Variants in PRDX4 observed in about 807,000 individuals in gnomAD.
PRDX4 encodes peroxiredoxin-4.
In PRDX4, 12 loss-of-function variants were observed where a neutral mutation model predicts 20.5. That is an observed-to-expected ratio of 0.58 (90% CI 0.37 to 0.95). The LOEUF (loss-of-function observed/expected upper bound fraction) is 0.95. Ranked by LOEUF, PRDX4 falls within the 40% of genes least tolerant of loss-of-function variation. PRDX4 has a pLI of 0.01. For missense variants in PRDX4, 180 were observed against 207.3 expected (o/e 0.87, Z 0.81); for synonymous variants, 99 against 87.5 (o/e 1.13, Z -0.73).
At chrX:23,679,133 G>A in intron 3 of PRDX4, 32 bp from the exon 4 acceptor site, 1 of 1,198,704 alleles carries the variant, frequency 8.3e-7, no homozygotes, top group Non-Finnish European at 1.1e-6. Flanking sequence ...CGTTTACTTA[G>A]CTCTGAGAGG....
chrX:23,682,853 AATAT>A (rs1173209030), intron 5 of PRDX4, among the ~76,000 whole-genome samples: 213 of 14,861 alleles, frequency 0.014, 3 homozygotes, highest in Non-Finnish European at 0.017. Flanking sequence ...AAAAAAAAAA[AATAT>A]ATATATATAT....
Position 23,682,522 on chromosome X carries a change from A to G in PRDX4, c.726A>G (p.Gly242=), listed in dbSNP as rs1164019927. 1 of 1,157,941 alleles carries G rather than the reference A, an allele frequency of 8.6e-7. No individual in the cohort carries two copies. The highest frequency in any genetic ancestry group is 2.4e-5 in the Admixed American group (1 of 41,660). The change falls in exon 5 of 7, where the codon GGA becomes GGG. Residue 242 remains glycine (G), a synonymous_variant. Coordinates refer to ENST00000379341, the MANE Select transcript of PRDX4 (RefSeq NM_006406.2). ...CATTCCAGTACACTGACAAACACGG[A>G]GAAGGTACCTCTCCCTTCTAACCTT... ...VQAFQYTDKH[G]EVCPAGWKPG...
intron 4 of PRDX4, among the ~76,000 whole-genome samples, chrX:23,681,797 T>A (rs772244181): frequency 1.8e-5 from 2 of 112,282 alleles, no homozygotes. Flanking sequence ...TCCCAGCACT[T>A]TGGGAGGCCG....
intron 1 of PRDX4, among the ~76,000 whole-genome samples, chrX:23,670,962 G>C (rs972862711): frequency 8.9e-6 from 1 of 111,985 alleles, no homozygotes; most frequent in Non-Finnish European, 1.9e-5. Context: ...AACTTGAAGC[G>C]GGACTATAGT....
At chrX:23,682,944 TAAACTC>T (rs1356155113) in intron 5 of PRDX4, among the ~76,000 whole-genome samples, 9 of 101,276 alleles carry the variant, frequency 8.9e-5, no homozygotes, top group South Asian at 4.7e-4. Context: ...TCCTTTTTGA[TAAACTC>T]AAAGACAAAA....
At position 23,675,095 on chromosome X, in the gene PRDX4, C is replaced by G. The variant is rs1170715918; in HGVS notation, c.465C>G (p.Thr155=). 8.3e-7 allele frequency: 1 copy of G among 1,210,695 alleles called. No homozygotes were observed. The highest frequency in any genetic ancestry group is 1.1e-6 in the Non-Finnish European group (1 of 895,197). The change falls in exon 3 of 7, where the codon ACC becomes ACG. Residue 155 remains threonine, a synonymous_variant. Transcript: ENST00000379341. ...CATGCTCTGTTGATTCACAGTTTACCCATTTGGCCTGGTCAGTATCTTACA... is the reference window on the plus strand; with the variant it reads ...CATGCTCTGTTGATTCACAGTTTACGCATTTGGCCTGGTCAGTATCTTACA... ...VVACSVDSQF[T]HLAWINTPRR... is the part of the protein sequence containing the mutation.
chrX:23,674,960 A>G, intron 2 of PRDX4, 30 bp from the exon 3 acceptor site: 1 of 1,196,505 alleles, frequency 8.4e-7, no homozygotes, highest in African/African-American at 1.7e-5. Flanking sequence ...TTTGGAGAAT[A>G]CTGAATATTT....
rs139209444 is a variant in PRDX4, at chrX:23,671,632, C to T, written c.345C>T (p.Phe115=). 1.8e-3 allele frequency: 2,160 copies of T among 1,182,069 alleles called. No homozygotes were observed. The highest frequency in any genetic ancestry group is 2.2e-3 in the Non-Finnish European group (1,950 of 875,796). ...DYRGKYLVFF[F]YPLDFTFVCP... is the part of the protein sequence containing the mutation. Reference sequence around the variant, plus strand: ...GTGGGAAATACTTGGTTTTCTTCTTCTACCCACTTGATTTGTAAGTAATAC... The same window carrying T: ...GTGGGAAATACTTGGTTTTCTTCTTTTACCCACTTGATTTGTAAGTAATAC... Residue 115 remains phenylalanine, a synonymous_variant, in exon 2 of 7, where the codon TTC becomes TTT. Coordinates refer to ENST00000379341, the MANE Select transcript of PRDX4 (RefSeq NM_006406.2).
At chrX:23,684,541 C>G (rs1928149460) in intron 6 of PRDX4, among the ~76,000 whole-genome samples, 2 of 110,263 alleles carry the variant, frequency 1.8e-5, no homozygotes, top group Non-Finnish European at 3.8e-5. Context: ...TGCTCTGTCG[C>G]CCAGACTGGA....
intron 1 of PRDX4, among the ~76,000 whole-genome samples, chrX:23,670,960 G>A (rs1418278356): frequency 8.9e-6 from 1 of 112,169 alleles, no homozygotes; most frequent in Non-Finnish European, 1.9e-5. Flanking sequence ...ACAACTTGAA[G>A]CGGGACTATA....
chrX:23,679,808 C>T (rs1347479255), intron 4 of PRDX4, among the ~76,000 whole-genome samples: 1 of 110,660 alleles, frequency 9.0e-6, no homozygotes, highest in Non-Finnish European at 1.9e-5. Flanking sequence ...TGGTGAAACC[C>T]CATCTTTACT....
chrX:23,684,047 CAAA>C, intron 6 of PRDX4, among the ~76,000 whole-genome samples: 1 of 58,237 alleles, frequency 1.7e-5, no homozygotes, highest in Admixed American at 2.5e-4. Flanking sequence ...GACTCCTTCT[CAAA>C]AAAAAAAAAA....
chrX:23,684,027 G>A (rs1367964274), intron 6 of PRDX4, among the ~76,000 whole-genome samples: 1 of 82,982 alleles, frequency 1.2e-5, no homozygotes, highest in Non-Finnish European at 2.2e-5. Flanking sequence ...CATGCTGGGC[G>A]ACAGAGCAAG....
At chrX:23,669,646 G>C (rs1041666364) in intron 1 of PRDX4, among the ~76,000 whole-genome samples, 2 of 111,868 alleles carry the variant, frequency 1.8e-5, no homozygotes, top group Admixed American at 1.9e-4. Context: ...GCCAGGTGTG[G>C]TGGCTCACGT....
Position 23,679,285 on chromosome X carries a change from T to A in PRDX4, c.597T>A (p.Leu199=). 1 of 1,196,077 alleles carries A rather than the reference T, an allele frequency of 8.4e-7. No homozygotes were observed. The highest frequency in any genetic ancestry group is 1.1e-6 in the Non-Finnish European group (1 of 888,210). ...GVYLEDSGHT[L]RGLFIIDDKG... ...ACCTAGAGGACTCAGGCCACACTCT[T>A]AGGTACCTTTCAGTGGTTTTATATT... Residue 199 remains leucine (L), a splice_region_variant and synonymous_variant, in exon 4 of 7, where the codon CTT becomes CTA. Coordinates refer to ENST00000379341, the MANE Select transcript of PRDX4 (RefSeq NM_006406.2).
chrX:23,668,824 G>A (rs1395601698), intron 1 of PRDX4, among the ~76,000 whole-genome samples: 1 of 97,594 alleles, frequency 1.0e-5, no homozygotes, highest in Admixed American at 1.1e-4. Flanking sequence ...GGGTTGGTTG[G>A]GAGTGATAAA....
intron 5 of PRDX4, among the ~76,000 whole-genome samples, chrX:23,682,874 AT>A: frequency 1.2e-5 from 1 of 84,970 alleles, no homozygotes; most frequent in East Asian, 3.8e-4. Flanking sequence ...ATATATATAT[AT>A]ATAAACTAAT....
At chrX:23,670,089 C>A (rs1387972834) in intron 1 of PRDX4, among the ~76,000 whole-genome samples, 3 of 111,234 alleles carry the variant, frequency 2.7e-5, no homozygotes, top group African/African-American at 3.3e-5. Context: ...ATATTCAAGA[C>A]AATTTTTGTT....
chrX:23,675,141 A>G (rs771681276), intron 3 of PRDX4, 35 bp downstream of exon 3: 4 of 1,209,935 alleles, frequency 3.3e-6, no homozygotes, highest in Non-Finnish European at 4.5e-6. Context: ...TAGAAAAAAA[A>G]GAATGGATTT....
Sources: allele counts gnomAD v4.1 joint callset (sites outside exome capture counted in the v4.1 genomes callset), GRCh38; gene constraint gnomAD v4.1.1; transcripts MANE v1.5; gene names NCBI Gene and HGNC (gene_info 2026-07-23, HGNC 2026-07-21).